Variants in TCFL5 observed in about 807,000 individuals in gnomAD.
TCFL5 encodes the protein transcription factor-like 5 protein.
In TCFL5, 9 loss-of-function variants were observed where a neutral mutation model predicts 44.3. The observed-to-expected ratio is 0.20, with a 90% CI of 0.12 to 0.35. TCFL5 has a LOEUF of 0.35. Ranked by LOEUF, TCFL5 falls within the 10% of genes least tolerant of loss-of-function variation. The pLI is 1.00. For missense variants in TCFL5, 603 were observed against 613.4 expected, an observed-to-expected ratio of 0.98 and a Z score of 0.18; for synonymous variants, 319 against 271.6, an observed-to-expected ratio of 1.17 and a Z score of -1.72.
intron 5 of TCFL5, chr20:62,845,611 G>A (rs897854675): frequency 1.6e-5 from 25 of 1,586,004 alleles, no homozygotes; most frequent in South Asian, 6.8e-5. Context: ...TTAGACCCTC[G>A]GAGCTGGTCT....
intron 3 of TCFL5, among the ~76,000 whole-genome samples, chr20:62,858,517 G>A (rs1303455231): frequency 6.6e-6 from 1 of 152,250 alleles, no homozygotes; most frequent in Non-Finnish European, 1.5e-5. Context: ...TGACATGGGA[G>A]AAGGCGGTAG....
At chr20:62,851,069 G>A (rs2063804061) in intron 5 of TCFL5, among the ~76,000 whole-genome samples, 1 of 152,210 alleles carries the variant, frequency 6.6e-6, no homozygotes, top group Non-Finnish European at 1.5e-5. Flanking sequence ...AGTGAAATGT[G>A]TACCAAAATA....
In TCFL5 at chr20:62,861,641, C is replaced by T; in HGVS notation, c.30G>A (p.Pro10=). The stretch of plus-strand genomic sequence containing the variant: ...CGCCGCCTGCCGCGCCTGCCTCCGG[C>T]GGCGGCTCCCGCGGTCCGGGGCCCG... MSGPGPREP[P]PEAGAAGGEA... Residue 10 remains proline, a synonymous_variant, in exon 1 of 6, where the codon CCG becomes CCA. Coordinates refer to ENST00000335351, the MANE Select transcript of TCFL5 (RefSeq NM_006602.4). This position sits in a 1 kb window ranked among gnomAD's most constrained non-coding sequence, Gnocchi z 4.0. 1.0e-6 allele frequency: 1 copy of T among 970,046 alleles called. No individual in the cohort carries two copies. The highest frequency in any genetic ancestry group is 1.2e-6 in the Non-Finnish European group (1 of 816,406). The allele number at this position is 970,046 out of a possible 1,614,324, so 60.1% of individuals were successfully genotyped here. A position where few individuals can be genotyped will look rare whatever the true frequency, so the allele number is the denominator to read the frequency against.
At chr20:62,854,243 G>C in intron 4 of TCFL5, 86 bp from the exon 5 acceptor site, 1 of 1,521,264 alleles carries the variant, frequency 6.6e-7, no homozygotes, top group Non-Finnish European at 8.8e-7. Context: ...GTACTTGAGG[G>C]AACCAGAGCT....
intron 5 of TCFL5, among the ~76,000 whole-genome samples, chr20:62,850,706 C>T (rs2063797958): frequency 6.6e-6 from 1 of 152,212 alleles, no homozygotes; most frequent in African/African-American, 2.4e-5. Flanking sequence ...AGGCCCCCAA[C>T]CCTCAGGACT....
At chr20:62,860,437 C>T in intron 1 of TCFL5, 129 bp from the exon 2 acceptor site, 1 of 759,086 alleles carries the variant, frequency 1.3e-6, no homozygotes, top group Non-Finnish European at 2.1e-6. Context: ...AATCTCTACA[C>T]AACAATTAGC....
At chr20:62,845,656 C>T (rs766114984) in intron 5 of TCFL5, 6 of 1,605,750 alleles carry the variant, frequency 3.7e-6, no homozygotes, top group East Asian at 4.5e-5. Context: ...CAGCAACCCC[C>T]GCTGACCATG....
intron 5 of TCFL5, among the ~76,000 whole-genome samples, chr20:62,848,461 C>A (rs553824481): frequency 1.3e-5 from 2 of 152,344 alleles, no homozygotes; most frequent in Non-Finnish European, 1.5e-5. Flanking sequence ...AACACGGGGG[C>A]CGGGCACAGT....
At chr20:62,851,480 CATT>C (rs1251868188) in intron 5 of TCFL5, 2 of 971,796 alleles carry the variant, frequency 2.1e-6, no homozygotes, top group African/African-American at 1.8e-5. Flanking sequence ...AAAGCCAAAA[CATT>C]AAAGCATTTT....
At chr20:62,857,669 AT>A in intron 3 of TCFL5, 31 bp from the exon 4 acceptor site, 1 of 1,603,438 alleles carries the variant, frequency 6.2e-7, no homozygotes, top group Non-Finnish European at 8.5e-7. Flanking sequence ...GTGGTTTTTA[AT>A]TTTGTATTCT....
chr20:62,845,511 A>G (rs1304087556), intron 5 of TCFL5: 2 of 1,427,680 alleles, frequency 1.4e-6, no homozygotes, highest in Non-Finnish European at 1.8e-6. Flanking sequence ...TAAAGCCTAC[A>G]TATAAAAAAC....
At chr20:62,854,879 G>A (rs1450037581) in intron 4 of TCFL5, among the ~76,000 whole-genome samples, 3 of 152,180 alleles carry the variant, frequency 2.0e-5, no homozygotes, top group South Asian at 4.1e-4. Flanking sequence ...TAAAACAGCA[G>A]CTGGCATTTA....
chr20:62,857,249 T>C (rs1474887045), intron 4 of TCFL5, 146 bp downstream of exon 4: 9 of 1,170,432 alleles, frequency 7.7e-6, no homozygotes, highest in Non-Finnish European at 9.6e-6. Context: ...GGGGGATCCT[T>C]GATCCATCTG....
chr20:62,845,593 CGGA>C, intron 5 of TCFL5: 1 of 1,554,342 alleles, frequency 6.4e-7, no homozygotes, highest in Non-Finnish European at 8.7e-7. Context: ...GGGCCGGCTC[CGGA>C]GAAGTTAGAC....
intron 2 of TCFL5, among the ~76,000 whole-genome samples, chr20:62,859,777 G>A (rs1041403836): frequency 1.3e-5 from 2 of 150,356 alleles, no homozygotes; most frequent in Non-Finnish European, 2.9e-5. Flanking sequence ...CTGGAGTGCA[G>A]GGTCGCGATG....
rs4203 is a variant in TCFL5, at chr20:62,841,194, A to ACATCT, written c.*776_*780dup. On this transcript the variant is annotated 3_prime_UTR_variant, in exon 6 of 6. Transcript: ENST00000335351. The stretch of plus-strand genomic sequence containing the variant: ...AGTCTGATGTTTTGTGTACAAACTC[A>ACATCT]CATCTCCAATTAACAGTATTTATTG... 45,245 of 170,102 alleles carry ACATCT rather than the reference A, an allele frequency of 0.27. 6,416 individuals carry two copies. The highest frequency in any genetic ancestry group is 0.33 in the African/African-American group (13,850 of 41,550). The allele number at this position is 170,102 out of a possible 1,614,324, so 10.5% of individuals were successfully genotyped here.
rs374723929 is a variant in TCFL5 at position 62,861,545 on chromosome 20, G to A, written c.126C>T (p.Thr42=). 2 of 1,153,668 alleles carry A rather than the reference G, an allele frequency of 1.7e-6. No individual in the cohort carries two copies. Among genetic ancestry groups the A allele is most frequent in the Middle Eastern group, 2.6e-4 (1 of 3,874 alleles). The allele number at this position is 1,153,668 out of a possible 1,614,324, so 71.5% of individuals were successfully genotyped here. The change falls in exon 1 of 6, where the codon ACC becomes ACT. Residue 42 remains threonine, a synonymous_variant. Coordinates refer to ENST00000335351, the MANE Select transcript of TCFL5 (RefSeq NM_006602.4). The surrounding 1 kb of genome is among the most constrained non-coding windows in gnomAD (Gnocchi z 4.0). The part of the protein sequence containing the change: ...LGEPGLSFTT[T]DLSLVEMTEV... ...CCGTCATCTCCACCAGGCTCAGGTC[G>A]GTGGTCGTGAAGCTCAGCCCCGGCT...
In TCFL5 at chr20:62,861,209, G is replaced by C. The variant is rs1453707880; in HGVS notation, c.462C>G (p.Ala154=). The change falls in exon 1 of 6, where the codon GCC becomes GCG. Residue 154 remains alanine, a synonymous_variant. Coordinates refer to ENST00000335351, the MANE Select transcript of TCFL5 (RefSeq NM_006602.4). The surrounding 1 kb of genome is among the most constrained non-coding windows in gnomAD (Gnocchi z 4.0). ...CCGCGCCCTCCTTGGCGGCGCCGTC[G>C]GCCCGGGCCCTCGCTCCGTCCCCGC... ...SGGGDGARAR[A]DGAAKEGAGA... is the part of the protein sequence containing the mutation. The C allele has an allele frequency of 2.8e-6, 3 of 1,065,852 alleles. No homozygotes were observed. Among genetic ancestry groups the C allele is most frequent in the African/African-American group, 1.7e-5 (1 of 57,838 alleles). 66.0% of individuals were successfully genotyped at this position (1,065,852 alleles called of 1,614,324 possible). A position where few individuals can be genotyped will look rare whatever the true frequency, so the allele number is the denominator to read the frequency against.
intron 3 of TCFL5, 34 bp downstream of exon 3, chr20:62,859,330 G>A (rs2063948092): frequency 1.3e-6 from 2 of 1,591,566 alleles, no homozygotes; most frequent in Non-Finnish European, 1.7e-6. Context: ...TCAGTCAGAA[G>A]AAAGCTCCCA....
Sources: gnomAD v4.1 joint callset for allele counts (sites outside exome capture counted in the v4.1 genomes callset) on GRCh38, gnomAD v4.1.1 for gene constraint, Gnocchi (gnomAD v3.1) non-coding constraint, MANE v1.5 for transcripts, NCBI Gene and HGNC (gene_info 2026-07-23, HGNC 2026-07-21) for gene names.